Variants in CLCN4 observed in about 807,000 individuals in gnomAD.
The protein encoded by CLCN4 is H(+)/Cl(-) exchange transporter 4.
CLCN4 carries 1 observed loss-of-function variant against 41.7 expected under a neutral mutation model. The ratio of observed to expected loss-of-function variants is 0.02; its 90% confidence interval spans 0.01 to 0.11. CLCN4 has a LOEUF of 0.11. Ranked by LOEUF, CLCN4 falls within the 10% of genes least tolerant of loss-of-function variation. The probability of loss-of-function intolerance (pLI) is 1.00; values close to 1 mark genes in which losing one functional copy is unlikely to be tolerated. For missense variants in CLCN4, 287 were observed against 661.0 expected (o/e 0.43, Z 6.20); for synonymous variants, 277 against 285.8 (o/e 0.97, Z 0.31).
At chrX:10,220,903 A>G (rs935601395) in intron 12 of CLCN4, 26 bp downstream of exon 12, 2 of 1,145,576 alleles carry the variant, frequency 1.7e-6, no homozygotes, top group Non-Finnish European at 2.4e-6. Flanking sequence ...TGTGGCCAGA[A>G]TGACCTAGGG....
intron 11 of CLCN4, among the ~76,000 whole-genome samples, chrX:10,215,003 C>T (rs1301899446): frequency 2.7e-5 from 3 of 111,969 alleles, no homozygotes; most frequent in African/African-American, 6.5e-5. Flanking sequence ...GGGCAAGGAC[C>T]AGCATAGCAC....
intron 9 of CLCN4, among the ~76,000 whole-genome samples, chrX:10,211,126 C>T (rs1214363692): frequency 9.4e-6 from 1 of 106,313 alleles, no homozygotes. Flanking sequence ...ATTAGCTGGG[C>T]GTGGTGACAC....
intron 6 of CLCN4, among the ~76,000 whole-genome samples, chrX:10,204,547 A>C (rs750479493): frequency 9.3e-6 from 1 of 107,244 alleles, no homozygotes; most frequent in South Asian, 4.1e-4. Context: ...AAAGAGAGTC[A>C]ATATATTAGG....
intron 12 of CLCN4, among the ~76,000 whole-genome samples, chrX:10,221,489 C>G (rs1924860866): frequency 9.0e-6 from 1 of 110,701 alleles, no homozygotes; most frequent in Admixed American, 9.6e-5. Context: ...GACCCTATCT[C>G]TACAGATAAA....
At chrX:10,219,446 C>T (rs1231323375) in intron 11 of CLCN4, among the ~76,000 whole-genome samples, 1 of 112,222 alleles carries the variant, frequency 8.9e-6, no homozygotes, top group Non-Finnish European at 1.9e-5. Context: ...TTTGAAAACG[C>T]GTTGTGCCTC....
intron 6 of CLCN4, 88 bp from the exon 7 acceptor site, chrX:10,206,270 G>C: frequency 1.5e-6 from 1 of 659,669 alleles, no homozygotes; most frequent in East Asian, 3.3e-5. Flanking sequence ...TCTAAACTTT[G>C]AACGTGTCTC....
chrX:10,186,336 G>A (rs1005482424), intron 3 of CLCN4, among the ~76,000 whole-genome samples: 1 of 111,331 alleles, frequency 9.0e-6, no homozygotes, highest in Admixed American at 9.5e-5. Context: ...GAGACAGAAG[G>A]GAAGAGGTAG....
intron 2 of CLCN4, among the ~76,000 whole-genome samples, chrX:10,168,879 C>T (rs1923312369): frequency 9.1e-6 from 1 of 110,343 alleles, no homozygotes; most frequent in Non-Finnish European, 1.9e-5. Context: ...TTCTTTGTGT[C>T]TTTCTTTTAC....
chrX:10,164,912 A>T (rs1408492522), intron 2 of CLCN4, among the ~76,000 whole-genome samples: 6 of 112,002 alleles, frequency 5.4e-5, no homozygotes, highest in Non-Finnish European at 1.1e-4. Flanking sequence ...GGCTCCGGTG[A>T]TTCTGGCTAC....
At position 10,169,588 on chromosome X, in the gene CLCN4, T is replaced by C. The variant is rs892859094; in HGVS notation, c.-12+11037T>C. On this transcript the variant is annotated intron_variant, in intron 2 of 12. Coordinates refer to ENST00000380833, the MANE Select transcript of CLCN4 (RefSeq NM_001830.4). ...TTGCTACAAATTATTATCATGTCTTTAAAAAAATATTTTCTGTTTTTCTTT... is the reference window on the plus strand; with the variant it reads ...TTGCTACAAATTATTATCATGTCTTCAAAAAAATATTTTCTGTTTTTCTTT... Among the ~76,000 whole-genome samples the C allele has an allele frequency of 2.7e-5, 3 of 111,665 alleles. No homozygotes were observed. The Admixed American group carries it at 2.8e-4, about 11-fold the overall frequency.
At chrX:10,224,892 T>C (rs1924952523) in intron 12 of CLCN4, among the ~76,000 whole-genome samples, 1 of 111,936 alleles carries the variant, frequency 8.9e-6, no homozygotes, top group South Asian at 3.7e-4. Context: ...GGCTTCCAGC[T>C]CCATCCATGT....
intron 2 of CLCN4, among the ~76,000 whole-genome samples, chrX:10,163,250 G>C (rs1923154174): frequency 1.8e-5 from 2 of 112,795 alleles, no homozygotes; most frequent in Admixed American, 9.3e-5. Flanking sequence ...CCTGGGGGAA[G>C]AGGTGTGTGG....
intron 4 of CLCN4, among the ~76,000 whole-genome samples, chrX:10,194,041 A>G (rs1003279113): frequency 1.8e-5 from 2 of 109,048 alleles, no homozygotes; most frequent in Non-Finnish European, 3.8e-5. Context: ...GGGGAATGGG[A>G]AGAACGAGGC....
At chrX:10,225,082 AT>A (rs1379942828) in intron 12 of CLCN4, among the ~76,000 whole-genome samples, 6 of 112,174 alleles carry the variant, frequency 5.3e-5, no homozygotes, top group African/African-American at 1.9e-4. Context: ...TAATAGAGTG[AT>A]TTATATTCCT....
At chrX:10,177,094 T>C (rs997133337) in intron 2 of CLCN4, among the ~76,000 whole-genome samples, 4 of 112,864 alleles carry the variant, frequency 3.5e-5, no homozygotes, top group Non-Finnish European at 5.6e-5. Context: ...CTAAGAATGG[T>C]TTTTGCATTT....
At chrX:10,233,371 C>T in intron 12 of CLCN4, 123 bp from the exon 13 acceptor site, 1 of 514,832 alleles carries the variant, frequency 1.9e-6, no homozygotes, top group South Asian at 3.1e-5. Context: ...TGCCTAACCA[C>T]AAGGGAGGCT....
chrX:10,201,388 C>T (rs763747018), intron 6 of CLCN4, among the ~76,000 whole-genome samples: 14 of 112,031 alleles, frequency 1.2e-4, no homozygotes, highest in Non-Finnish European at 2.3e-4. Flanking sequence ...GGAGGTTTGA[C>T]CCAGCAGTAG....
At chrX:10,174,287 C>A (rs1390503697) in intron 2 of CLCN4, among the ~76,000 whole-genome samples, 1 of 112,183 alleles carries the variant, frequency 8.9e-6, no homozygotes, top group African/African-American at 3.2e-5. Context: ...GTGGTCGGGG[C>A]ACTGTCATTG....
chrX:10,170,703 A>G (rs1431987654), intron 2 of CLCN4, among the ~76,000 whole-genome samples: 1 of 111,397 alleles, frequency 9.0e-6, no homozygotes, highest in African/African-American at 3.3e-5. Flanking sequence ...ATGCTGATGC[A>G]CGTTCAAGCT....
Sources: allele counts gnomAD v4.1 joint callset (sites outside exome capture counted in the v4.1 genomes callset), GRCh38; gene constraint gnomAD v4.1.1; transcripts MANE v1.5; gene names NCBI Gene and HGNC (gene_info 2026-07-23, HGNC 2026-07-21).